WSCD1: variants seen among roughly 807,000 people sequenced by gnomAD.
WSCD1 encodes the protein WSC domain sialate O sulfotransferase 1.
In WSCD1, 41 loss-of-function variants were observed where a neutral mutation model predicts 60.4. The observed-to-expected ratio is 0.68, with a 90% CI of 0.53 to 0.88. The LOEUF is 0.88. Among genes scored for constraint, WSCD1 ranks in the 40% least tolerant of loss-of-function variants. The probability of loss-of-function intolerance (pLI) is 0.00; values close to 1 mark genes in which losing one functional copy is unlikely to be tolerated. For synonymous variants in WSCD1, 361 were observed against 332.5 expected (o/e 1.09, Z -0.93); for missense variants, 784 against 796.2 (o/e 0.98, Z 0.18).
chr17:6,099,949 C>G (rs1597363802), intron 5 of WSCD1, among the ~76,000 whole-genome samples: 1 of 152,278 alleles, frequency 6.6e-6, no homozygotes, highest in East Asian at 1.9e-4. Flanking sequence ...CGGCACGAGA[C>G]CAAGAACCCT....
intron 2 of WSCD1, among the ~76,000 whole-genome samples, chr17:6,087,208 G>A (rs887252077): frequency 1.3e-5 from 2 of 152,198 alleles, no homozygotes; most frequent in African/African-American, 4.8e-5. Context: ...CAACTTCTCT[G>A]TGCATCTCTG....
intron 2 of WSCD1, among the ~76,000 whole-genome samples, chr17:6,086,725 T>C (rs748060666): frequency 6.6e-6 from 1 of 152,020 alleles, no homozygotes; most frequent in Non-Finnish European, 1.5e-5. Flanking sequence ...CAGAAGTGGA[T>C]GGTTGGCAGA....
At chr17:6,113,498 G>A (rs1254495190) in intron 7 of WSCD1, among the ~76,000 whole-genome samples, 4 of 152,092 alleles carry the variant, frequency 2.6e-5, no homozygotes, top group African/African-American at 9.7e-5. Context: ...TAGACAAGTG[G>A]TATTATGTCA....
chr17:6,083,544 C>T (rs970129973), intron 2 of WSCD1, among the ~76,000 whole-genome samples: 2 of 152,172 alleles, frequency 1.3e-5, no homozygotes, highest in African/African-American at 4.8e-5. Context: ...CACGCCCAGC[C>T]GAGGCAGGCG....
intron 5 of WSCD1, among the ~76,000 whole-genome samples, chr17:6,099,774 C>T (rs1016489480): frequency 1.3e-5 from 2 of 152,126 alleles, no homozygotes; most frequent in African/African-American, 4.8e-5. Flanking sequence ...CTCCAGCATC[C>T]CAATATAAGC....
At chr17:6,094,112 C>T (rs1910235155) in intron 4 of WSCD1, among the ~76,000 whole-genome samples, 1 of 152,154 alleles carries the variant, frequency 6.6e-6, no homozygotes. Context: ...GGGTAATAAT[C>T]AGGATGCCAT....
At chr17:6,111,196 A>G (rs1911389873) in intron 7 of WSCD1, among the ~76,000 whole-genome samples, 1 of 152,154 alleles carries the variant, frequency 6.6e-6, no homozygotes, top group Non-Finnish European at 1.5e-5. Context: ...GCACTTGCAG[A>G]CACCACTGAT....
chr17:6,086,209 G>T (rs1192229468), intron 2 of WSCD1, among the ~76,000 whole-genome samples: 2 of 140,542 alleles, frequency 1.4e-5, no homozygotes, highest in Non-Finnish European at 3.0e-5. Flanking sequence ...TGGGGCCCTG[G>T]ATATTGCACC....
At position 6,120,992 on chromosome 17, in the gene WSCD1, G is replaced by GT. The variant is rs1904661731; in HGVS notation, c.*332dup. Reference sequence around the variant, plus strand: ...GATACAAATGCAGCCACGCACAGACGTAACACACAGGTGCCAGGCCGTGTG... The same window carrying GT: ...GATACAAATGCAGCCACGCACAGACGTTAACACACAGGTGCCAGGCCGTGTG... On this transcript the variant is annotated 3_prime_UTR_variant, in exon 9 of 9. Transcript: ENST00000317744. 6.0e-6 allele frequency: 2 copies of GT among 333,542 alleles called. No individual in the cohort carries two copies. The highest frequency in any genetic ancestry group is 8.4e-5 in the South Asian group (2 of 23,884). 20.7% of individuals were successfully genotyped at this position (333,542 alleles called of 1,614,324 possible). A position where few individuals can be genotyped will look rare whatever the true frequency, so the allele number is the denominator to read the frequency against.
chr17:6,114,544 T>C (rs539397800), intron 7 of WSCD1, among the ~76,000 whole-genome samples: 68 of 152,296 alleles, frequency 4.5e-4, no homozygotes, highest in African/African-American at 1.5e-3. Flanking sequence ...TTTGAGGCGA[T>C]GGATATCCTA....
intron 5 of WSCD1, among the ~76,000 whole-genome samples, chr17:6,095,569 A>G (rs1597360911): frequency 6.6e-6 from 1 of 152,186 alleles, no homozygotes. Flanking sequence ...GGGATAGCTG[A>G]TGGATTTTCT....
In WSCD1 at chr17:6,074,432, T is replaced by C. The variant is rs74688982; in HGVS notation, c.-289+3780T>C. Among the ~76,000 whole-genome samples the C allele has an allele frequency of 1.4e-3, 212 of 152,368 alleles. 3 individuals are homozygous for C. The East Asian group carries it at 0.031, about 22-fold the overall frequency. On this transcript the variant is annotated intron_variant, in intron 1 of 8. Coordinates refer to ENST00000317744, the MANE Select transcript of WSCD1 (RefSeq NM_015253.2). ...TGTCCAGTCCAGCAGGCACTTATTT[T>C]CAGGGGCATTCCCTGTGCCCCACCC...
rs1050045755 is a variant in WSCD1, at chr17:6,087,934, AGGGT to A, written c.428-52_428-49del. On this transcript the variant is annotated intron_variant, in intron 2 of 8. Coordinates refer to ENST00000317744, the MANE Select transcript of WSCD1 (RefSeq NM_015253.2). ...GCAGAGGTTCCCCTGGCTTTTCCTA[AGGGT>A]GGGCCCATGATTCCTGGGCCTCTGG... The A allele has an allele frequency of 9.0e-6, 13 of 1,447,370 alleles. No homozygotes were observed. In the African/African-American group the frequency reaches 1.7e-4, roughly 19 times the overall value. 89.7% of individuals were successfully genotyped at this position (1,447,370 alleles called of 1,614,324 possible).
intron 2 of WSCD1, among the ~76,000 whole-genome samples, chr17:6,084,280 T>C (rs1909477394): frequency 6.6e-6 from 1 of 152,232 alleles, no homozygotes; most frequent in East Asian, 1.9e-4. Context: ...CAACCAAGTC[T>C]GGGGAGGCTG....
At chr17:6,069,784 TGTGTGTGTGTGTGTGTGCGTGCGTGTGTG>T, upstream of WSCD1, among the ~76,000 whole-genome samples, 1 of 91,628 alleles carries the variant, frequency 1.1e-5, no homozygotes, top group Admixed American at 1.1e-4. Context: ...GGTGTGTGTG[TGTGTGTGTGTGTGTGTGCGTGCGTGTGTG>T]GTGTGTGTGT....
rs1273262400 is a variant in WSCD1 at position 6,123,686 on chromosome 17, T to C, written c.*3025T>C. 6.6e-6 allele frequency: 1 copy of C among 152,132 alleles called. No homozygotes were observed. Among genetic ancestry groups the C allele is most frequent in the African/African-American group, 2.4e-5 (1 of 41,422 alleles). 9.4% of individuals were successfully genotyped at this position (152,132 alleles called of 1,614,324 possible). A position where few individuals can be genotyped will look rare whatever the true frequency, so the allele number is the denominator to read the frequency against. On this transcript the variant is annotated 3_prime_UTR_variant, in exon 9 of 9. Coordinates refer to ENST00000317744, the MANE Select transcript of WSCD1 (RefSeq NM_015253.2). ...GACTTGCTCGGAAACCCATTGGAGG[T>C]ATCTGAAATGTGATGACTCCAAAGG... is the stretch of plus-strand genomic sequence containing the variant.
rs1904885296 is a variant in WSCD1, at chr17:6,124,402, G to A, written c.*3741G>A. Reference sequence around the variant, plus strand: ...CCTCTGGACTTTTTTTGTTATATGAGCTAATAAATTCTGTTTATTGTTTAA... The same window carrying A: ...CCTCTGGACTTTTTTTGTTATATGAACTAATAAATTCTGTTTATTGTTTAA... On this transcript the variant is annotated 3_prime_UTR_variant, in exon 9 of 9. Coordinates refer to ENST00000317744, the MANE Select transcript of WSCD1 (RefSeq NM_015253.2). 1 of 152,154 alleles carries A rather than the reference G, an allele frequency of 6.6e-6. No homozygotes were observed. Among genetic ancestry groups the A allele is most frequent in the African/African-American group, 2.4e-5 (1 of 41,434 alleles). 9.4% of individuals were successfully genotyped at this position (152,154 alleles called of 1,614,324 possible). A position where few individuals can be genotyped will look rare whatever the true frequency, so the allele number is the denominator to read the frequency against.
chr17:6,081,117 TC>T, intron 2 of WSCD1, 32 bp downstream of exon 2: 1 of 1,509,288 alleles, frequency 6.6e-7, no homozygotes, highest in Non-Finnish European at 8.8e-7. Context: ...GGGGAGCTGT[TC>T]CCAGGACCCC....
chr17:6,109,302 G>T (rs564393138), intron 5 of WSCD1, among the ~76,000 whole-genome samples: 20 of 152,286 alleles, frequency 1.3e-4, no homozygotes, highest in African/African-American at 3.4e-4. Context: ...CCTGCTTTCT[G>T]CACGTCGCTC....
Sources: allele counts gnomAD v4.1 joint callset (sites outside exome capture counted in the v4.1 genomes callset), GRCh38; gene constraint gnomAD v4.1.1; transcripts MANE v1.5; gene names NCBI Gene and HGNC (gene_info 2026-07-23, HGNC 2026-07-21).